CACNA2D3: variants seen among roughly 807,000 people sequenced by gnomAD.
CACNA2D3 encodes calcium voltage-gated channel auxiliary subunit alpha2delta 3.
Under a neutral mutation model 160.6 loss-of-function variants are expected in CACNA2D3, and 60 were observed. The ratio of observed to expected loss-of-function variants is 0.37; its 90% CI spans 0.30 to 0.46. The LOEUF is 0.46. Among genes scored for constraint, CACNA2D3 ranks in the 20% least tolerant of loss-of-function variants. CACNA2D3 has a pLI of 1.00. For synonymous variants in CACNA2D3, 558 were observed against 492.9 expected (o/e 1.13, Z -1.75); for missense variants, 1,205 against 1,365.0 (o/e 0.88, Z 1.85).
In CACNA2D3 at chr3:54,457,792, T is replaced by G. The variant is rs115665106; in HGVS notation, c.382-45700T>G. 5.8e-3 allele frequency among the ~76,000 whole-genome samples: 885 copies of G among 152,254 alleles called. 8 individuals carry two copies. Among genetic ancestry groups the G allele is most frequent in the Non-Finnish European group, 0.011 (720 of 67,970 alleles). ...TTGGGTACATATATATTTACAATTTTTATATCCTCTCACTGAATGATCCCT... is the reference window on the plus strand; with the variant it reads ...TTGGGTACATATATATTTACAATTTGTATATCCTCTCACTGAATGATCCCT... On this transcript the variant is annotated intron_variant, in intron 4 of 37. Transcript: ENST00000474759.
chr3:54,353,506 T>G (rs374125135), intron 3 of CACNA2D3, among the ~76,000 whole-genome samples: 12 of 152,122 alleles, frequency 7.9e-5, no homozygotes, highest in African/African-American at 2.7e-4. Flanking sequence ...TTCCAGGTAG[T>G]TTTGATTATC....
At chr3:54,575,350 C>T (rs770678638) in intron 8 of CACNA2D3, among the ~76,000 whole-genome samples, 1 of 152,078 alleles carries the variant, frequency 6.6e-6, no homozygotes, top group Non-Finnish European at 1.5e-5. Flanking sequence ...ACTTCCTTTA[C>T]TTTTTGTTTA....
intron 3 of CACNA2D3, among the ~76,000 whole-genome samples, chr3:54,342,386 G>C (rs1434663668): frequency 6.6e-6 from 1 of 152,214 alleles, no homozygotes; most frequent in Non-Finnish European, 1.5e-5. Context: ...CAGTGGATCT[G>C]AGTATCATTC....
intron 2 of CACNA2D3, among the ~76,000 whole-genome samples, chr3:54,259,233 G>A (rs1702358940): frequency 6.6e-6 from 1 of 152,196 alleles, no homozygotes; most frequent in African/African-American, 2.4e-5. Flanking sequence ...TTTCCACCAG[G>A]TTGGCTAAGC....
At chr3:54,933,666 G>A (rs1422451565) in intron 27 of CACNA2D3, among the ~76,000 whole-genome samples, 1 of 151,862 alleles carries the variant, frequency 6.6e-6, no homozygotes, top group Non-Finnish European at 1.5e-5. Flanking sequence ...TAGACATTAA[G>A]TTTCAAATGA....
At chr3:54,198,622 C>T (rs139038711) in intron 2 of CACNA2D3, among the ~76,000 whole-genome samples, 189 of 152,354 alleles carry the variant, frequency 1.2e-3, no homozygotes, top group African/African-American at 4.0e-3. Flanking sequence ...CACTGAGCCT[C>T]GTGTGGAATT....
chr3:54,277,451 T>C, intron 2 of CACNA2D3, among the ~76,000 whole-genome samples: 1 of 152,166 alleles, frequency 6.6e-6, no homozygotes, highest in African/African-American at 2.4e-5. Flanking sequence ...TGTGTGGCAT[T>C]ATTTCTGAGG....
At chr3:54,482,820 T>TA (rs1284290548) in intron 4 of CACNA2D3, among the ~76,000 whole-genome samples, 1 of 152,182 alleles carries the variant, frequency 6.6e-6, no homozygotes, top group Non-Finnish European at 1.5e-5. Context: ...CTTCTGGAAT[T>TA]ACTACAAGGG....
chr3:54,410,829 G>A (rs767860616), intron 4 of CACNA2D3, among the ~76,000 whole-genome samples: 2 of 152,148 alleles, frequency 1.3e-5, no homozygotes, highest in African/African-American at 4.8e-5. Flanking sequence ...TAAGGCTGTA[G>A]CCACCATAAA....
intron 4 of CACNA2D3, among the ~76,000 whole-genome samples, chr3:54,457,422 G>T (rs1269890239): frequency 6.6e-6 from 1 of 151,954 alleles, no homozygotes; most frequent in East Asian, 1.9e-4. Context: ...AGAAAATATA[G>T]TTGATATTAT....
chr3:54,132,007 G>C (rs1699720372), intron 2 of CACNA2D3, among the ~76,000 whole-genome samples: 1 of 152,232 alleles, frequency 6.6e-6, no homozygotes, highest in African/African-American at 2.4e-5. Context: ...GTGGGAGACA[G>C]TAAATTTACT....
At chr3:55,056,234 A>T (rs1156606002) in intron 35 of CACNA2D3, among the ~76,000 whole-genome samples, 1 of 152,198 alleles carries the variant, frequency 6.6e-6, no homozygotes, top group Non-Finnish European at 1.5e-5. Context: ...TCAGGGTTAT[A>T]CAAATTAAAA....
intron 11 of CACNA2D3, among the ~76,000 whole-genome samples, chr3:54,643,505 T>A (rs1699568137): frequency 6.6e-6 from 1 of 152,096 alleles, no homozygotes; most frequent in African/African-American, 2.4e-5. Context: ...GCTGACTATG[T>A]GGGATTCTGA....
chr3:54,129,491 A>AT (rs1699663316), intron 2 of CACNA2D3, among the ~76,000 whole-genome samples: 1 of 152,208 alleles, frequency 6.6e-6, no homozygotes, highest in Non-Finnish European at 1.5e-5. Flanking sequence ...CCAAATCAAC[A>AT]TTATGAAAAT....
At chr3:54,270,803 C>T (rs1702607463) in intron 2 of CACNA2D3, among the ~76,000 whole-genome samples, 1 of 152,206 alleles carries the variant, frequency 6.6e-6, no homozygotes, top group Admixed American at 6.5e-5. Context: ...CAGTCCAGGG[C>T]ATCTTGCAGC....
intron 29 of CACNA2D3, among the ~76,000 whole-genome samples, chr3:54,976,639 T>C (rs1702397949): frequency 6.6e-6 from 1 of 152,214 alleles, no homozygotes; most frequent in Non-Finnish European, 1.5e-5. Context: ...TTGTTACTAT[T>C]ATTAGTGACA....
At chr3:54,467,688 A>G (rs2106864387) in intron 4 of CACNA2D3, among the ~76,000 whole-genome samples, 1 of 152,274 alleles carries the variant, frequency 6.6e-6, no homozygotes, top group East Asian at 1.9e-4. Flanking sequence ...GTTCTCATAG[A>G]AGTAGAGGGA....
rs1287275880 is a variant in CACNA2D3 at position 54,367,578 on chromosome 3, G to A, written c.322-19137G>A. 3 of 380,814 alleles carry A rather than the reference G, an allele frequency of 7.9e-6. No individual in the cohort carries two copies. In the Admixed American group the frequency reaches 8.8e-5, roughly 11 times the overall value. 23.6% of individuals were successfully genotyped at this position (380,814 alleles called of 1,614,324 possible). On this transcript the variant is annotated intron_variant, in intron 3 of 37. Coordinates refer to ENST00000474759, the MANE Select transcript of CACNA2D3 (RefSeq NM_018398.3). ...CCATCAGAGTGGTAAAAACACCATG[G>A]GGGAGTTAAGGCAAGAGAGAAGCAC... is the stretch of plus-strand genomic sequence containing the variant.
intron 27 of CACNA2D3, among the ~76,000 whole-genome samples, chr3:54,901,993 A>C (rs535978019): frequency 6.6e-6 from 1 of 152,318 alleles, no homozygotes; most frequent in South Asian, 2.1e-4. Context: ...TACCACTCTA[A>C]AATTAAAAAG....
Sources: allele counts gnomAD v4.1 joint callset (sites outside exome capture counted in the v4.1 genomes callset), GRCh38; gene constraint gnomAD v4.1.1; transcripts MANE v1.5; gene names NCBI Gene and HGNC (gene_info 2026-07-23, HGNC 2026-07-21).